Variants in CA8 observed in about 807,000 individuals in gnomAD.
CA8 encodes the protein carbonic anhydrase 8 (inactive).
CA8 carries 22 observed loss-of-function variants against 41.4 expected under a neutral mutation model. The ratio of observed to expected loss-of-function variants is 0.53; its 90% CI spans 0.38 to 0.76. The LOEUF (loss-of-function observed/expected upper bound fraction) is 0.76, where lower values mean the gene tolerates loss of function less well. Among genes scored for constraint, CA8 ranks in the 30% least tolerant of loss-of-function variants. CA8 has a pLI of 0.00. For missense variants in CA8, 270 were observed against 352.8 expected, an observed-to-expected ratio of 0.77 and a Z score of 1.88; for synonymous variants, 121 against 130.6, an observed-to-expected ratio of 0.93 and a Z score of 0.50.
chr8:60,218,750 A>T (rs1807119862), intron 7 of CA8, among the ~76,000 whole-genome samples: 1 of 152,196 alleles, frequency 6.6e-6, no homozygotes, highest in South Asian at 2.1e-4. Context: ...TCCTCGAGAC[A>T]AATTGTAGGA....
intron 2 of CA8, among the ~76,000 whole-genome samples, chr8:60,273,937 G>T (rs1804147874): frequency 6.6e-6 from 1 of 152,234 alleles, no homozygotes. Flanking sequence ...AATTATGTTA[G>T]AAGTTTTAGT....
At chr8:60,259,739 G>T (rs1327117958) in intron 3 of CA8, among the ~76,000 whole-genome samples, 88 of 147,442 alleles carry the variant, frequency 6.0e-4, no homozygotes, top group African/African-American at 2.0e-3. Context: ...AAATTTGTTT[G>T]CTTTTTTTTT....
At chr8:60,214,083 G>A (rs1050713019) in intron 7 of CA8, among the ~76,000 whole-genome samples, 2 of 152,192 alleles carry the variant, frequency 1.3e-5, no homozygotes, top group African/African-American at 2.4e-5. Flanking sequence ...ACATGCTCAA[G>A]TCTGAAAACC....
intron 8 of CA8, among the ~76,000 whole-genome samples, chr8:60,190,957 T>TATATATATATATATATATACACACAC (rs1554573722): frequency 8.7e-4 from 91 of 104,204 alleles, no homozygotes; most frequent in African/African-American, 2.3e-3. Context: ...TATATATATA[T>TATATATATATATATATATACACACAC]ACACACACAC....
intron 2 of CA8, among the ~76,000 whole-genome samples, chr8:60,276,518 G>C (rs1184564903): frequency 6.6e-6 from 1 of 152,146 alleles, no homozygotes; most frequent in Non-Finnish European, 1.5e-5. Context: ...CACTGTTTAA[G>C]TGAGACAAAA....
At chr8:60,258,776 C>A (rs187957526) in intron 3 of CA8, among the ~76,000 whole-genome samples, 2 of 152,016 alleles carry the variant, frequency 1.3e-5, no homozygotes, top group African/African-American at 4.8e-5. Context: ...CCCTCACATG[C>A]GCAGTTCACA....
In CA8 at chr8:60,186,329, A is replaced by G. The variant is rs889485552; in HGVS notation, c.*3692T>C. Among the ~76,000 whole-genome samples the G allele has an allele frequency of 1.3e-5, 2 of 152,046 alleles. No homozygotes were observed. The highest frequency in any genetic ancestry group is 2.4e-5 in the African/African-American group (1 of 41,432). ...ACTCACTGTAATAAAGTTATTATAAATCTGAAATAGATTCTGATAAATTAA... is the reference window on the plus strand; with the variant it reads ...ACTCACTGTAATAAAGTTATTATAAGTCTGAAATAGATTCTGATAAATTAA... On this transcript the variant is annotated 3_prime_UTR_variant, in exon 9 of 9. Coordinates refer to ENST00000317995, the MANE Select transcript of CA8 (RefSeq NM_004056.6).
At chr8:60,194,301 C>A (rs1310745727) in intron 8 of CA8, among the ~76,000 whole-genome samples, 1 of 152,120 alleles carries the variant, frequency 6.6e-6, no homozygotes, top group Admixed American at 6.6e-5. Flanking sequence ...GGCAAACAAC[C>A]ACTACAACAA....
intron 8 of CA8, among the ~76,000 whole-genome samples, chr8:60,194,015 T>G (rs1324420578): frequency 6.6e-6 from 1 of 152,216 alleles, no homozygotes; most frequent in Non-Finnish European, 1.5e-5. Flanking sequence ...TTTTCAATTC[T>G]GCCTTCTGAT....
At chr8:60,281,010 C>A in intron 1 of CA8, 38 bp downstream of exon 1, 1 of 1,495,262 alleles carries the variant, frequency 6.7e-7, no homozygotes. Context: ...ACTGACGCCG[C>A]CGCGGGACCC....
chr8:60,215,863 T>C (rs1412418718), intron 7 of CA8, among the ~76,000 whole-genome samples: 1 of 152,196 alleles, frequency 6.6e-6, no homozygotes, highest in East Asian at 1.9e-4. Flanking sequence ...CATTATGATT[T>C]AGAACTTCAA....
At chr8:60,257,270 C>T (rs778839743) in intron 3 of CA8, among the ~76,000 whole-genome samples, 20 of 152,108 alleles carry the variant, frequency 1.3e-4, no homozygotes, top group Non-Finnish European at 2.4e-4. Flanking sequence ...GAGCCACTGG[C>T]GCCCAATCCA....
At chr8:60,196,978 C>T (rs1806299186) in intron 8 of CA8, among the ~76,000 whole-genome samples, 1 of 151,990 alleles carries the variant, frequency 6.6e-6, no homozygotes, top group Admixed American at 6.6e-5. Flanking sequence ...ATGTAAGGAG[C>T]CATTTTTAAT....
At chr8:60,239,234 G>A (rs1189371801) in intron 3 of CA8, among the ~76,000 whole-genome samples, 1 of 152,144 alleles carries the variant, frequency 6.6e-6, no homozygotes, top group East Asian at 1.9e-4. Context: ...CTCCAGGGGA[G>A]CTGGAATTAC....
chr8:60,251,585 A>G (rs919889397), intron 3 of CA8, among the ~76,000 whole-genome samples: 8 of 152,202 alleles, frequency 5.3e-5, no homozygotes, highest in African/African-American at 1.7e-4. Flanking sequence ...CATGCATAAC[A>G]CTATGTACAT....
At chr8:60,254,773 G>A (rs996565983) in intron 3 of CA8, among the ~76,000 whole-genome samples, 4 of 152,048 alleles carry the variant, frequency 2.6e-5, no homozygotes, top group Admixed American at 2.6e-4. Context: ...ACCCACCCAA[G>A]TAAATTAGAA....
Position 60,213,766 on chromosome 8 carries a change from C to CT in CA8, c.739-4848dup, listed in dbSNP as rs111255981. 4.7e-3 allele frequency among the ~76,000 whole-genome samples: 682 copies of CT among 145,050 alleles called. 1 individual carries two copies. Among genetic ancestry groups the CT allele is most frequent in the Middle Eastern group, 0.014 (4 of 278 alleles). On this transcript the variant is annotated intron_variant, in intron 7 of 8. Transcript: ENST00000317995. ...TCTTAATTTCACCTGTTTCTTTTGA[C>CT]TTTTTTTTTTTTTTACCATGGCTAC...
At chr8:60,263,452 G>GT (rs1278635542) in intron 3 of CA8, among the ~76,000 whole-genome samples, 3 of 151,640 alleles carry the variant, frequency 2.0e-5, no homozygotes, top group African/African-American at 7.3e-5. Flanking sequence ...AAAGAAAAAG[G>GT]TGCATGGATG....
chr8:60,237,046 T>G (rs1807853848), intron 3 of CA8, among the ~76,000 whole-genome samples: 2 of 152,162 alleles, frequency 1.3e-5, no homozygotes, highest in Non-Finnish European at 2.9e-5. Context: ...GTGTGTCTGG[T>G]CTATGGAGAG....
Sources: allele counts gnomAD v4.1 joint callset (sites outside exome capture counted in the v4.1 genomes callset), GRCh38; gene constraint gnomAD v4.1.1; transcripts MANE v1.5; gene names NCBI Gene and HGNC (gene_info 2026-07-23, HGNC 2026-07-21).